Variants in ADGRG7 observed in about 807,000 individuals in gnomAD.
ADGRG7 encodes the protein G-protein coupled receptor 128.
Under a neutral mutation model 88.6 loss-of-function variants are expected in ADGRG7, and 82 were observed. The observed-to-expected ratio is 0.93, with a 90% CI of 0.77 to 1.11. ADGRG7 has a LOEUF of 1.11. Among genes scored for constraint, ADGRG7 ranks in the 50% most tolerant of loss-of-function variants. The pLI, the probability that ADGRG7 is intolerant of heterozygous loss-of-function variation, is 0.00. For synonymous variants in ADGRG7, 381 were observed against 345.2 expected (o/e 1.10, Z -1.15); for missense variants, 945 against 953.4 (o/e 0.99, Z 0.12).
intron 1 of ADGRG7, among the ~76,000 whole-genome samples, chr3:100,621,973 A>T (rs1318346088): frequency 3.3e-5 from 5 of 152,104 alleles, no homozygotes; most frequent in African/African-American, 1.2e-4. Flanking sequence ...TGGGTATTAG[A>T]CTCTCATAAC....
intron 15 of ADGRG7, 78 bp from the exon 16 acceptor site, chr3:100,694,666 G>A: frequency 7.6e-7 from 1 of 1,321,760 alleles, no homozygotes; most frequent in Non-Finnish European, 1.1e-6. Flanking sequence ...AAGGTTGGGT[G>A]GCAGAGTGAA....
intron 14 of ADGRG7, among the ~76,000 whole-genome samples, chr3:100,663,975 A>T (rs2094948705): frequency 6.6e-6 from 1 of 152,088 alleles, no homozygotes; most frequent in African/African-American, 2.4e-5. Context: ...GTTATTATCT[A>T]TGGCCAAAGT....
rs115295022 is a variant in ADGRG7 at position 100,620,617 on chromosome 3, G to C, written c.116-8981G>C. 7.0e-3 allele frequency among the ~76,000 whole-genome samples: 1,065 copies of C among 152,192 alleles called. 9 individuals carry two copies. Among genetic ancestry groups the C allele is most frequent in the African/African-American group, 0.013 (539 of 41,542 alleles). On this transcript the variant is annotated intron_variant, in intron 1 of 15. Transcript: ENST00000273352. ...TCAATTAGAAAAATAATATTTTCAA[G>C]GTGTTGTCAACCCAGAATTCCTACC...
intron 15 of ADGRG7, among the ~76,000 whole-genome samples, chr3:100,694,003 T>C (rs2094998149): frequency 6.6e-6 from 1 of 152,238 alleles, no homozygotes; most frequent in South Asian, 2.1e-4. Flanking sequence ...AAGAATTCAA[T>C]TCCAGACTCC....
intron 12 of ADGRG7, 105 bp downstream of exon 12, chr3:100,655,286 G>A (rs2094936127): frequency 2.6e-6 from 2 of 760,280 alleles, no homozygotes; most frequent in Non-Finnish European, 4.2e-6. Context: ...ACGTAATTAA[G>A]AGGAGATAGA....
At chr3:100,633,773 C>A (rs991520320) in intron 4 of ADGRG7, among the ~76,000 whole-genome samples, 12 of 152,158 alleles carry the variant, frequency 7.9e-5, no homozygotes, top group Admixed American at 3.9e-4. Context: ...CCGCCTGCCT[C>A]AGCCTCCCGA....
intron 15 of ADGRG7, among the ~76,000 whole-genome samples, chr3:100,670,745 T>C (rs1192728824): frequency 6.6e-6 from 1 of 152,130 alleles, no homozygotes; most frequent in African/African-American, 2.4e-5. Flanking sequence ...CAGTGTGTGA[T>C]GTTCCCCTCC....
intron 15 of ADGRG7, among the ~76,000 whole-genome samples, chr3:100,682,367 A>T (rs1469524381): frequency 6.6e-6 from 1 of 152,052 alleles, no homozygotes; most frequent in Non-Finnish European, 1.5e-5. Flanking sequence ...GCTTCAGGGG[A>T]CCGGGGTGGG....
At chr3:100,664,762 A>G (rs1276363727) in intron 14 of ADGRG7, among the ~76,000 whole-genome samples, 1 of 152,228 alleles carries the variant, frequency 6.6e-6, no homozygotes, top group Non-Finnish European at 1.5e-5. Context: ...TGTAAATAGT[A>G]ACAAATTCTG....
At chr3:100,675,903 C>T (rs2094964728) in intron 15 of ADGRG7, among the ~76,000 whole-genome samples, 1 of 152,050 alleles carries the variant, frequency 6.6e-6, no homozygotes, top group Admixed American at 6.5e-5. Context: ...TATAGTTGCT[C>T]ATAGTAGCCA....
intron 1 of ADGRG7, among the ~76,000 whole-genome samples, chr3:100,624,003 AT>A (rs1313332889): frequency 6.6e-6 from 1 of 152,170 alleles, no homozygotes; most frequent in Non-Finnish European, 1.5e-5. Flanking sequence ...TAGTGCTGCA[AT>A]AAACATATGG....
intron 15 of ADGRG7, among the ~76,000 whole-genome samples, chr3:100,678,500 A>G (rs1044989756): frequency 2.6e-5 from 4 of 151,946 alleles, no homozygotes; most frequent in South Asian, 4.1e-4. Context: ...ATGCTTGGGT[A>G]TGTTCATTAG....
At chr3:100,611,526 A>T (rs1707155199) in intron 1 of ADGRG7, among the ~76,000 whole-genome samples, 1 of 152,206 alleles carries the variant, frequency 6.6e-6, no homozygotes, top group African/African-American at 2.4e-5. Flanking sequence ...GGAGTTGCTG[A>T]AAATAAATAC....
chr3:100,633,188 T>A, intron 3 of ADGRG7, 77 bp from the exon 4 acceptor site: 1 of 615,644 alleles, frequency 1.6e-6, no homozygotes, highest in Non-Finnish European at 2.4e-6. Flanking sequence ...TTAATAAAAA[T>A]TAGTTATTGC....
At chr3:100,680,909 C>T (rs1413976510) in intron 15 of ADGRG7, among the ~76,000 whole-genome samples, 1 of 152,090 alleles carries the variant, frequency 6.6e-6, no homozygotes, top group Admixed American at 6.5e-5. Flanking sequence ...TATTCTTCAT[C>T]CCTTTCTGAA....
chr3:100,681,410 A>G (rs1143782), intron 15 of ADGRG7, among the ~76,000 whole-genome samples: 13,393 of 151,524 alleles, frequency 0.088, 1,569 homozygotes, highest in East Asian at 0.35. Context: ...TCCCGGGTTC[A>G]AGCAATTCTC....
chr3:100,679,175 C>T (rs1271500688), intron 15 of ADGRG7, among the ~76,000 whole-genome samples: 2 of 152,168 alleles, frequency 1.3e-5, no homozygotes, highest in Non-Finnish European at 2.9e-5. Flanking sequence ...AACCACAAGA[C>T]AAAGTCCTTC....
chr3:100,667,591 G>A (rs559085584), intron 14 of ADGRG7, among the ~76,000 whole-genome samples: 1 of 152,312 alleles, frequency 6.6e-6, no homozygotes, highest in East Asian at 1.9e-4. Flanking sequence ...GGACATTTGG[G>A]TTGGTTCCAA....
At chr3:100,671,451 A>G (rs2149035920) in intron 15 of ADGRG7, among the ~76,000 whole-genome samples, 1 of 152,328 alleles carries the variant, frequency 6.6e-6, no homozygotes, top group African/African-American at 2.4e-5. Context: ...TCTGGATATT[A>G]GCCCTTTGTC....
Sources: gnomAD v4.1 joint callset for allele counts (sites outside exome capture counted in the v4.1 genomes callset) on GRCh38, gnomAD v4.1.1 for gene constraint, MANE v1.5 for transcripts, NCBI Gene and HGNC (gene_info 2026-07-23, HGNC 2026-07-21) for gene names.